The following MAD1L1 variants were observed in gnomAD, a reference collection of about 807,000 sequenced individuals.
MAD1L1 encodes the protein mitotic arrest deficient 1 like 1, also known as mitotic spindle assembly checkpoint protein MAD1.
A neutral mutation model predicts 96.9 loss-of-function variants in MAD1L1; 95 were observed. The observed-to-expected ratio is 0.98, with a 90% CI of 0.83 to 1.16. MAD1L1 has a LOEUF of 1.16. Ranked by LOEUF, MAD1L1 falls within the 50% of genes most tolerant of loss-of-function variation. The probability of loss-of-function intolerance (pLI) is 0.00; values close to 1 mark genes in which losing one functional copy is unlikely to be tolerated. For missense variants in MAD1L1, 1,007 were observed against 954.4 expected, an observed-to-expected ratio of 1.06 and a Z score of -0.73; for synonymous variants, 473 against 396.6, an observed-to-expected ratio of 1.19 and a Z score of -2.29.
intron 11 of MAD1L1, among the ~76,000 whole-genome samples, chr7:2,120,903 C>G (rs929173945): frequency 6.6e-6 from 1 of 152,152 alleles, no homozygotes; most frequent in Non-Finnish European, 1.5e-5. Context: ...CAGGGCGGGG[C>G]GAGGAAGGTC....
At chr7:2,174,997 T>C (rs1178026244) in intron 10 of MAD1L1, 1 of 152,202 alleles carries the variant, frequency 6.6e-6, no homozygotes, top group Admixed American at 6.5e-5. Context: ...GTCCTCCCTC[T>C]GGATAGTCTC....
rs1562648016 is a variant in MAD1L1 at position 2,060,243 on chromosome 7, C to CGAGATACGCCGATGCT, written c.1218+8950_1218+8951insAGCATCGGCGTATCTC. The stretch of plus-strand genomic sequence containing the variant: ...CGCCGATGCCGAGATACGCCGATGC[C>CGAGATACGCCGATGCT]GAGATACGCCGATGCCGAGATACGC... On this transcript the variant is annotated intron_variant, in intron 12 of 18. Coordinates refer to ENST00000265854, the MANE Select transcript of MAD1L1 (RefSeq NM_001013836.2). Among the ~76,000 whole-genome samples, 1,073 of 147,548 alleles carry CGAGATACGCCGATGCT rather than the reference C, an allele frequency of 7.3e-3. 20 individuals are homozygous for CGAGATACGCCGATGCT. The highest frequency in any genetic ancestry group is 0.026 in the African/African-American group (1,032 of 39,416).
At chr7:1,843,851 G>C (rs529950499) in intron 18 of MAD1L1, among the ~76,000 whole-genome samples, 3 of 152,342 alleles carry the variant, frequency 2.0e-5, no homozygotes, top group Admixed American at 1.3e-4. Flanking sequence ...AGCTCCGAAT[G>C]ATTTTAGTGA....
intron 9 of MAD1L1, among the ~76,000 whole-genome samples, chr7:2,215,109 T>C (rs1043562012): frequency 3.3e-5 from 5 of 152,058 alleles, no homozygotes; most frequent in African/African-American, 1.2e-4. Flanking sequence ...CCGGGCATGG[T>C]GGCTCACGTC....
intron 5 of MAD1L1, among the ~76,000 whole-genome samples, chr7:2,222,018 A>G (rs1317472846): frequency 2.0e-5 from 3 of 152,294 alleles, no homozygotes; most frequent in East Asian, 1.9e-4. Context: ...ACAAACAACA[A>G]AAAACAGATT....
chr7:1,938,598 CAG>C (rs1453911994), intron 16 of MAD1L1, among the ~76,000 whole-genome samples: 1 of 152,222 alleles, frequency 6.6e-6, no homozygotes, highest in Non-Finnish European at 1.5e-5. Flanking sequence ...AAGGGCATGT[CAG>C]AAATAACCAA....
chr7:1,898,434 G>T (rs565589737), intron 17 of MAD1L1, 44 bp from the exon 18 acceptor site: 1 of 1,572,066 alleles, frequency 6.4e-7, no homozygotes, highest in East Asian at 2.2e-5. Flanking sequence ...GCACCAGGCC[G>T]GAGGGGTGGG....
chr7:1,958,955 A>G (rs1301331349), intron 15 of MAD1L1, among the ~76,000 whole-genome samples: 1 of 152,200 alleles, frequency 6.6e-6, no homozygotes, highest in Non-Finnish European at 1.5e-5. Context: ...GAAACTATCA[A>G]AAACAAAACA....
intron 10 of MAD1L1, among the ~76,000 whole-genome samples, chr7:2,172,994 C>T (rs1790782005): frequency 6.6e-6 from 1 of 152,236 alleles, no homozygotes. Context: ...CCTGGCATTC[C>T]CAGTCGAATC....
At chr7:2,016,183 C>T (rs904204298) in intron 12 of MAD1L1, among the ~76,000 whole-genome samples, 5 of 152,316 alleles carry the variant, frequency 3.3e-5, no homozygotes, top group East Asian at 1.9e-4. Flanking sequence ...CTCACAAACC[C>T]GGGAAGCGGT....
intron 16 of MAD1L1, among the ~76,000 whole-genome samples, chr7:1,948,652 G>A (rs1779344330): frequency 6.6e-6 from 1 of 152,096 alleles, no homozygotes; most frequent in Non-Finnish European, 1.5e-5. Flanking sequence ...TGACACCCCT[G>A]ATAACAGCCT....
chr7:2,056,680 G>A (rs543800770), intron 12 of MAD1L1, among the ~76,000 whole-genome samples: 1 of 152,144 alleles, frequency 6.6e-6, no homozygotes, highest in Non-Finnish European at 1.5e-5. Context: ...TATCACAGAG[G>A]GGTGAAGGAC....
rs558044017 is a variant in MAD1L1 at position 1,933,537 on chromosome 7, G to A, written c.1807+3150C>T. Reference sequence around the variant, plus strand: ...CTCTCCAGAGCAGCGGTCCACAAACGCGCTGAGCATCCGCGTGGTCTGTAG... The same window carrying A: ...CTCTCCAGAGCAGCGGTCCACAAACACGCTGAGCATCCGCGTGGTCTGTAG... On this transcript the variant is annotated intron_variant, in intron 17 of 18. Transcript: ENST00000265854. Among the ~76,000 whole-genome samples the A allele has an allele frequency of 3.8e-3, 576 of 152,292 alleles. 3 individuals are homozygous for A. The highest frequency in any genetic ancestry group is 7.1e-3 in the Non-Finnish European group (482 of 68,020).
intron 12 of MAD1L1, among the ~76,000 whole-genome samples, chr7:2,015,017 C>T (rs1264584073): frequency 6.6e-6 from 1 of 152,208 alleles, no homozygotes; most frequent in Non-Finnish European, 1.5e-5. Context: ...GGGCAGAAGC[C>T]CAGGTTCCCC....
chr7:2,215,067 A>C (rs1177732574), intron 9 of MAD1L1, among the ~76,000 whole-genome samples: 1 of 152,070 alleles, frequency 6.6e-6, no homozygotes, highest in African/African-American at 2.4e-5. Context: ...CCCCATCTCT[A>C]CAAAAAAAAA....
intron 3 of MAD1L1, among the ~76,000 whole-genome samples, chr7:2,227,357 G>C (rs1206846350): frequency 1.3e-5 from 2 of 152,166 alleles, no homozygotes; most frequent in Non-Finnish European, 2.9e-5. Context: ...GCACATGAAA[G>C]GTTGAGAAGC....
intron 16 of MAD1L1, among the ~76,000 whole-genome samples, chr7:1,943,212 A>G (rs1779080232): frequency 6.6e-6 from 1 of 152,240 alleles, no homozygotes; most frequent in South Asian, 2.1e-4. Context: ...TGGATTTAAC[A>G]AAGAATTCTT....
intron 15 of MAD1L1, among the ~76,000 whole-genome samples, chr7:1,974,344 G>C (rs1430794972): frequency 6.6e-6 from 1 of 152,222 alleles, no homozygotes; most frequent in Non-Finnish European, 1.5e-5. Flanking sequence ...CATCCAGAAA[G>C]AAAAGAGTAA....
intron 11 of MAD1L1, among the ~76,000 whole-genome samples, chr7:2,090,593 C>T (rs925453385): frequency 3.3e-5 from 5 of 152,200 alleles, no homozygotes; most frequent in African/African-American, 1.2e-4. Context: ...TTAGTTGCCA[C>T]ACCTCCTGAG....
Sources: gnomAD v4.1 joint callset for allele counts (sites outside exome capture counted in the v4.1 genomes callset) on GRCh38, gnomAD v4.1.1 for gene constraint, MANE v1.5 for transcripts, NCBI Gene and HGNC (gene_info 2026-07-23, HGNC 2026-07-21) for gene names.